Variants in FOXN3 observed in about 807,000 individuals in gnomAD.
FOXN3 encodes the protein forkhead box protein N3.
FOXN3 carries 7 observed loss-of-function variants against 38.4 expected under a neutral mutation model. That is an observed-to-expected ratio of 0.18 (90% CI 0.10 to 0.34). FOXN3 has a LOEUF of 0.34. FOXN3 is among the 10% of genes least tolerant of loss of function. FOXN3 has a pLI of 1.00. For missense variants in FOXN3, 456 were observed against 613.4 expected (o/e 0.74, Z 2.71); for synonymous variants, 230 against 242.2 (o/e 0.95, Z 0.47).
chr14:89,599,533 T>C (rs1432825563), intron 1 of FOXN3, among the ~76,000 whole-genome samples: 1 of 152,130 alleles, frequency 6.6e-6, no homozygotes, highest in African/African-American at 2.4e-5. Flanking sequence ...TCTGGATCTC[T>C]TGTAGGTATA....
At chr14:89,512,650 T>A (rs1034508710) in intron 1 of FOXN3, among the ~76,000 whole-genome samples, 1 of 152,248 alleles carries the variant, frequency 6.6e-6, no homozygotes, top group Non-Finnish European at 1.5e-5. Context: ...GCCTTGCTTT[T>A]AGGTAAAAAG....
chr14:89,446,770 T>C (rs1892510329), intron 1 of FOXN3, among the ~76,000 whole-genome samples: 1 of 152,164 alleles, frequency 6.6e-6, no homozygotes, highest in Non-Finnish European at 1.5e-5. Context: ...GCAGAGTGAG[T>C]GAATGACCCA....
At chr14:89,590,536 C>T (rs114474808) in intron 1 of FOXN3, among the ~76,000 whole-genome samples, 303 of 152,232 alleles carry the variant, frequency 2.0e-3, no homozygotes, top group Middle Eastern at 0.014. Context: ...GTGGGGATGA[C>T]GTGTGGGAAT....
intron 3 of FOXN3, among the ~76,000 whole-genome samples, chr14:89,308,564 TCCTTATAACG>T (rs1435250919): frequency 6.6e-6 from 1 of 152,132 alleles, no homozygotes; most frequent in African/African-American, 2.4e-5. Context: ...GCCCACACTG[TCCTTATAACG>T]CCTGAACCCA....
At chr14:89,248,993 G>A (rs115466766) in intron 4 of FOXN3, among the ~76,000 whole-genome samples, 2,348 of 152,304 alleles carry the variant, frequency 0.015, 67 homozygotes, top group African/African-American at 0.054. Context: ...TACCCTCCAC[G>A]TATACAAGCC....
At chr14:89,363,151 G>A (rs997590870) in intron 2 of FOXN3, among the ~76,000 whole-genome samples, 4 of 152,154 alleles carry the variant, frequency 2.6e-5, no homozygotes, top group African/African-American at 9.7e-5. Flanking sequence ...ATGTGCACCA[G>A]CTCCTCCTGG....
At chr14:89,290,759 T>C (rs1398456104) in intron 3 of FOXN3, 9 of 309,566 alleles carry the variant, frequency 2.9e-5, no homozygotes, top group Non-Finnish European at 3.8e-5. Context: ...GATTCTTATA[T>C]AGGCCTTCTG....
At chr14:89,501,822 C>T (rs555489462) in intron 1 of FOXN3, among the ~76,000 whole-genome samples, 15 of 150,308 alleles carry the variant, frequency 1.0e-4, no homozygotes, top group Middle Eastern at 3.7e-3. Context: ...CACTCCAGCC[C>T]GGGCAACAAG....
intron 3 of FOXN3, among the ~76,000 whole-genome samples, chr14:89,287,476 C>A (rs915577635): frequency 6.6e-6 from 1 of 151,988 alleles, no homozygotes; most frequent in African/African-American, 2.4e-5. Flanking sequence ...TGCAAGCAAA[C>A]CCCAGTTCAG....
chr14:89,291,395 A>G, intron 3 of FOXN3: 1 of 599,986 alleles, frequency 1.7e-6, no homozygotes, highest in South Asian at 1.4e-5. Context: ...GTCACCAGCA[A>G]GGATGCTACT....
intron 3 of FOXN3, chr14:89,284,517 C>T (rs1388029854): frequency 2.2e-6 from 1 of 456,096 alleles, no homozygotes. Context: ...TCTTAGTCAT[C>T]CTTCCCTGTG....
At chr14:89,467,206 G>A (rs1353348004) in intron 1 of FOXN3, among the ~76,000 whole-genome samples, 1 of 152,036 alleles carries the variant, frequency 6.6e-6, no homozygotes, top group Non-Finnish European at 1.5e-5. Context: ...GGGCTGGCCC[G>A]GCAGGACAAG....
rs1473732271 is a variant in FOXN3 at position 89,159,254 on chromosome 14, C to T, written c.*3160G>A. On this transcript the variant is annotated 3_prime_UTR_variant, in exon 6 of 6. Coordinates refer to ENST00000557258, the MANE Select transcript of FOXN3 (RefSeq NM_005197.4). ...TGATACTTTTTGTTTTTGTTCTCAACAATCAAAATACAAAGTTAAACACAA... is the reference window on the plus strand; with the variant it reads ...TGATACTTTTTGTTTTTGTTCTCAATAATCAAAATACAAAGTTAAACACAA... 6.6e-6 allele frequency: 1 copy of T among 152,560 alleles called. No homozygotes were observed. Among genetic ancestry groups the T allele is most frequent in the African/African-American group, 2.4e-5 (1 of 41,436 alleles). The allele number at this position is 152,560 out of a possible 1,614,324, so 9.5% of individuals were successfully genotyped here.
intron 2 of FOXN3, among the ~76,000 whole-genome samples, chr14:89,376,076 C>T (rs111282534): frequency 0.025 from 3,881 of 152,292 alleles, 134 homozygotes; most frequent in African/African-American, 0.085. Context: ...AGCCACCACA[C>T]CTGGCCTCCA....
rs75701093 is a variant in FOXN3, at chr14:89,326,926, G to T, written c.680+23746C>A. 3.2e-4 allele frequency among the ~76,000 whole-genome samples: 49 copies of T among 152,276 alleles called. No homozygotes were observed. In the East Asian group the frequency reaches 8.7e-3, roughly 27 times the overall value. ...TTGAGTGCTTCCCGTGCCTGACATT[G>T]TGATCCATCTATCCCGCCAACATTT... On this transcript the variant is annotated intron_variant, in intron 3 of 5. Coordinates refer to ENST00000557258, the MANE Select transcript of FOXN3 (RefSeq NM_005197.4).
intron 3 of FOXN3, among the ~76,000 whole-genome samples, chr14:89,325,248 GACC>G (rs1187823867): frequency 5.5e-4 from 11 of 19,938 alleles, no homozygotes; most frequent in South Asian, 2.7e-3. Flanking sequence ...CCACCACCAC[GACC>G]ACCACCACCA....
At chr14:89,167,522 C>A (rs1464625519) in intron 5 of FOXN3, among the ~76,000 whole-genome samples, 1 of 152,176 alleles carries the variant, frequency 6.6e-6, no homozygotes, top group Non-Finnish European at 1.5e-5. Flanking sequence ...ATTGTAGAAG[C>A]AGGGGACTGG....
In FOXN3 at chr14:89,164,022, G is replaced by A. The variant is rs140058666; in HGVS notation, c.852-1053C>T. Among the ~76,000 whole-genome samples the A allele has an allele frequency of 3.3e-3, 506 of 152,236 alleles. 4 individuals carry two copies. The highest frequency in any genetic ancestry group is 0.012 in the African/African-American group (479 of 41,528). The stretch of plus-strand genomic sequence containing the variant: ...TGTACTTTCCTTGTGCTTCCTTATC[G>A]CGAAAGTGGGAATAGTAACTACACC... On this transcript the variant is annotated intron_variant, in intron 5 of 5. Coordinates refer to ENST00000557258, the MANE Select transcript of FOXN3 (RefSeq NM_005197.4). The surrounding 1 kb of genome is among the most constrained non-coding windows in gnomAD (Gnocchi z 4.3).
At position 89,201,103 on chromosome 14, in the gene FOXN3, T is replaced by C. The variant is rs114954079; in HGVS notation, c.746-20297A>G. On this transcript the variant is annotated intron_variant, in intron 4 of 5. Transcript: ENST00000557258. ...GCTGGACTTGTCTGAGGTCAGTTTA[T>C]ATATTTTTTAAATTTTTTAAAGCTC... Among the ~76,000 whole-genome samples, 725 of 152,318 alleles carry C rather than the reference T, an allele frequency of 4.8e-3. 4 individuals carry two copies. The highest frequency in any genetic ancestry group is 0.017 in the African/African-American group (699 of 41,570).
Sources: allele counts gnomAD v4.1 joint callset (sites outside exome capture counted in the v4.1 genomes callset), GRCh38; gene constraint gnomAD v4.1.1; non-coding constraint Gnocchi (gnomAD v3.1); transcripts MANE v1.5; gene names NCBI Gene and HGNC (gene_info 2026-07-23, HGNC 2026-07-21).